MAPK10: variants seen among roughly 807,000 people sequenced by gnomAD.
MAPK10 encodes the protein mitogen-activated protein kinase 10.
In MAPK10, 25 loss-of-function variants were observed where a neutral mutation model predicts 59.3. The ratio of observed to expected loss-of-function variants is 0.42; its 90% CI spans 0.31 to 0.59. MAPK10 has a LOEUF of 0.59. MAPK10 is among the 20% of genes least tolerant of loss of function. The probability of loss-of-function intolerance (pLI) is 0.15; values close to 1 mark genes in which losing one functional copy is unlikely to be tolerated. For synonymous variants in MAPK10, 190 were observed against 200.5 expected, an observed-to-expected ratio of 0.95 and a Z score of 0.44; for missense variants, 351 against 568.9, an observed-to-expected ratio of 0.62 and a Z score of 3.90.
At chr4:86,504,989 A>C (rs1671650540) in intron 1 of MAPK10, among the ~76,000 whole-genome samples, 1 of 152,174 alleles carries the variant, frequency 6.6e-6, no homozygotes, top group South Asian at 2.1e-4. Context: ...TCCACTCTGC[A>C]TCCTCCATAA....
intron 2 of MAPK10, among the ~76,000 whole-genome samples, chr4:86,238,544 T>C (rs6825521): frequency 0.33 from 50,749 of 151,942 alleles, 11,678 homozygotes; most frequent in African/African-American, 0.66. Flanking sequence ...TGTAGTTCTC[T>C]TTGAAGATAT....
chr4:86,125,793 T>C (rs984712682), intron 4 of MAPK10: 1 of 152,116 alleles, frequency 6.6e-6, no homozygotes, highest in African/African-American at 2.4e-5. Context: ...TTATTGAGTA[T>C]ATTATGTTAA....
intron 2 of MAPK10, among the ~76,000 whole-genome samples, chr4:86,306,317 T>G (rs1377052615): frequency 6.6e-6 from 1 of 152,264 alleles, no homozygotes; most frequent in East Asian, 1.9e-4. Flanking sequence ...TTCAATCTAT[T>G]GTGATATCAC....
At chr4:86,078,761 G>A (rs1483603700) in intron 9 of MAPK10, among the ~76,000 whole-genome samples, 2 of 152,086 alleles carry the variant, frequency 1.3e-5, no homozygotes, top group Non-Finnish European at 2.9e-5. Context: ...AGGCCAAGGC[G>A]GGAGGATCAC....
chr4:86,242,514 G>A (rs1041197038), intron 2 of MAPK10, among the ~76,000 whole-genome samples: 1 of 152,192 alleles, frequency 6.6e-6, no homozygotes, highest in African/African-American at 2.4e-5. Context: ...GGCCCAGGGA[G>A]ATCCAAATTC....
intron 1 of MAPK10, among the ~76,000 whole-genome samples, chr4:86,590,391 T>C (rs931567079): frequency 6.6e-6 from 1 of 152,208 alleles, no homozygotes; most frequent in Non-Finnish European, 1.5e-5. Context: ...TTATTTTCTT[T>C]TTAAGACTCT....
At chr4:86,172,167 G>A (rs951994284) in intron 3 of MAPK10, among the ~76,000 whole-genome samples, 9 of 138,992 alleles carry the variant, frequency 6.5e-5, no homozygotes, top group African/African-American at 9.8e-5. Context: ...TCAGTGTGGC[G>A]ATTCCTCAGG....
chr4:86,468,591 C>T (rs1752403989), intron 1 of MAPK10, among the ~76,000 whole-genome samples: 1 of 152,198 alleles, frequency 6.6e-6, no homozygotes, highest in African/African-American at 2.4e-5. Flanking sequence ...TGGTGGCTCA[C>T]ACCTGTAATC....
intron 1 of MAPK10, among the ~76,000 whole-genome samples, chr4:86,427,582 A>G (rs1747473431): frequency 6.6e-6 from 1 of 152,254 alleles, no homozygotes; most frequent in Non-Finnish European, 1.5e-5. Context: ...GGAAAGCAGA[A>G]AGGAAAAAGA....
chr4:86,021,444 T>G, intron 13 of MAPK10, among the ~76,000 whole-genome samples: 1 of 151,936 alleles, frequency 6.6e-6, no homozygotes, highest in Non-Finnish European at 1.5e-5. Flanking sequence ...TCACAAACCT[T>G]GAGCTAAACA....
chr4:86,178,695 T>C (rs1024605187), intron 3 of MAPK10, among the ~76,000 whole-genome samples: 1 of 152,088 alleles, frequency 6.6e-6, no homozygotes, highest in Non-Finnish European at 1.5e-5. Flanking sequence ...CAATTAGACA[T>C]TAGAAATAAG....
At chr4:86,183,845 G>A (rs979274255) in intron 3 of MAPK10, among the ~76,000 whole-genome samples, 9 of 152,188 alleles carry the variant, frequency 5.9e-5, no homozygotes, top group African/African-American at 2.2e-4. Flanking sequence ...ACTGGTGTGA[G>A]ACAGTATCTC....
intron 4 of MAPK10, among the ~76,000 whole-genome samples, chr4:86,112,479 G>T (rs937965846): frequency 4.6e-5 from 7 of 152,162 alleles, no homozygotes; most frequent in African/African-American, 1.7e-4. Context: ...TTACCCAGGA[G>T]TCATTCAGGA....
At chr4:86,392,087 T>A (rs1186133009) in intron 1 of MAPK10, among the ~76,000 whole-genome samples, 4 of 152,144 alleles carry the variant, frequency 2.6e-5, no homozygotes, top group African/African-American at 4.8e-5. Flanking sequence ...TATCATGCTG[T>A]GAGCCTGGAA....
chr4:86,590,947 A>T (rs1164236376), intron 1 of MAPK10, among the ~76,000 whole-genome samples: 1 of 152,056 alleles, frequency 6.6e-6, no homozygotes, highest in East Asian at 1.9e-4. Flanking sequence ...TGATTCTAAA[A>T]TTTTTTTTAG....
At chr4:86,187,966 T>A (rs2149300340) in intron 3 of MAPK10, among the ~76,000 whole-genome samples, 1 of 152,234 alleles carries the variant, frequency 6.6e-6, no homozygotes, top group Non-Finnish European at 1.5e-5. Flanking sequence ...GTGTTCTCAT[T>A]GTTCAGCTCC....
intron 2 of MAPK10, among the ~76,000 whole-genome samples, chr4:86,304,396 T>C (rs1021651482): frequency 4.8e-5 from 7 of 144,974 alleles, no homozygotes; most frequent in Non-Finnish European, 1.1e-4. Context: ...TCTTTTTTTT[T>C]TTTTTTTTTT....
At chr4:86,449,166 G>A (rs1176241906) in intron 1 of MAPK10, among the ~76,000 whole-genome samples, 1 of 151,952 alleles carries the variant, frequency 6.6e-6, no homozygotes. Flanking sequence ...CCCAGGGGTT[G>A]GGGACCCGTG....
intron 13 of MAPK10, among the ~76,000 whole-genome samples, chr4:86,019,216 G>T (rs1276692238): frequency 1.3e-5 from 2 of 152,058 alleles, no homozygotes; most frequent in Non-Finnish European, 2.9e-5. Flanking sequence ...CATTCTTTTT[G>T]CCTGGAAGTT....
Sources: allele counts gnomAD v4.1 joint callset (sites outside exome capture counted in the v4.1 genomes callset), GRCh38; gene constraint gnomAD v4.1.1; transcripts MANE v1.5; gene names NCBI Gene and HGNC (gene_info 2026-07-23, HGNC 2026-07-21).